ARHGAP26: variants seen among roughly 807,000 people sequenced by gnomAD.
The protein encoded by ARHGAP26 is rho GTPase-activating protein 26.
ARHGAP26 carries 38 observed loss-of-function variants against 104.8 expected under a neutral mutation model. The ratio of observed to expected loss-of-function variants is 0.36; its 90% CI spans 0.28 to 0.48. The LOEUF (loss-of-function observed/expected upper bound fraction) is 0.48, where lower values mean the gene tolerates loss of function less well. ARHGAP26 is among the 20% of genes least tolerant of loss of function. ARHGAP26 has a pLI of 0.99. For synonymous variants in ARHGAP26, 341 were observed against 340.0 expected (o/e 1.00, Z -0.03); for missense variants, 704 against 947.9 (o/e 0.74, Z 3.38).
At chr5:143,154,081 A>T (rs1487821835) in intron 20 of ARHGAP26, among the ~76,000 whole-genome samples, 1 of 151,950 alleles carries the variant, frequency 6.6e-6, no homozygotes, top group Admixed American at 6.6e-5. Flanking sequence ...GTCAACATTC[A>T]TTCCACAAAT....
At chr5:142,822,023 A>G (rs1384425915) in intron 1 of ARHGAP26, among the ~76,000 whole-genome samples, 1 of 152,096 alleles carries the variant, frequency 6.6e-6, no homozygotes, top group East Asian at 1.9e-4. Context: ...TGTTAAACAT[A>G]CTCCAATCCC....
At chr5:142,823,727 T>C (rs1361153935) in intron 1 of ARHGAP26, among the ~76,000 whole-genome samples, 3 of 152,252 alleles carry the variant, frequency 2.0e-5, no homozygotes, top group Non-Finnish European at 4.4e-5. Context: ...TACTGAAATA[T>C]GAATGTCACG....
rs548822497 is a variant in ARHGAP26, at chr5:143,020,765, A to G, written c.1144+6649A>G. Among the ~76,000 whole-genome samples, 5 of 151,248 alleles carry G rather than the reference A, an allele frequency of 3.3e-5. No individual in the cohort carries two copies. In the South Asian group the frequency reaches 8.3e-4, roughly 25 times the overall value. On this transcript the variant is annotated intron_variant, in intron 12 of 22. Transcript: ENST00000645722. ...GCCATTCTCCTGCCTCAGCCTCCCA[A>G]GTAGCTGGGACTACAGGCACCCGCC...
intron 12 of ARHGAP26, chr5:143,014,381 ATTATCT>A: frequency 1.9e-6 from 1 of 535,616 alleles, no homozygotes; most frequent in Non-Finnish European, 3.4e-6. Context: ...TCTCGTGTAC[ATTATCT>A]CCTTTAATCG....
intron 17 of ARHGAP26, among the ~76,000 whole-genome samples, chr5:143,101,193 T>C (rs544933718): frequency 4.6e-5 from 7 of 152,320 alleles, no homozygotes; most frequent in African/African-American, 1.7e-4. Context: ...ACCTCTCTCT[T>C]GGATCATTGC....
chr5:143,069,853 A>G (rs1461360510), intron 17 of ARHGAP26, among the ~76,000 whole-genome samples: 1 of 152,212 alleles, frequency 6.6e-6, no homozygotes, highest in African/African-American at 2.4e-5. Flanking sequence ...ATAAATACAA[A>G]ACAGCAAACA....
intron 1 of ARHGAP26, among the ~76,000 whole-genome samples, chr5:142,792,778 G>A (rs1420554822): frequency 6.6e-6 from 1 of 152,172 alleles, no homozygotes; most frequent in Non-Finnish European, 1.5e-5. Context: ...TGAAACGTAA[G>A]CTGGCCTGTG....
At chr5:143,125,652 T>C (rs1354078149) in intron 18 of ARHGAP26, among the ~76,000 whole-genome samples, 1 of 152,234 alleles carries the variant, frequency 6.6e-6, no homozygotes, top group Non-Finnish European at 1.5e-5. Context: ...TTTTTCTTTT[T>C]CCATGTTGGT....
chr5:143,004,193 ATAGGTAAATTTTCCTAAGT>A (rs1777616314), intron 11 of ARHGAP26, among the ~76,000 whole-genome samples: 1 of 152,134 alleles, frequency 6.6e-6, no homozygotes, highest in South Asian at 2.1e-4. Flanking sequence ...AGCTGTTGTT[ATAGGTAAATTTTCCTAAGT>A]TAGGTTTTCA....
chr5:142,935,002 C>T (rs898046598), intron 11 of ARHGAP26, among the ~76,000 whole-genome samples: 12 of 151,944 alleles, frequency 7.9e-5, no homozygotes, highest in African/African-American at 4.8e-5. Context: ...TTTATGGTGT[C>T]GATGGACATA....
chr5:142,946,300 G>A (rs527680439), intron 11 of ARHGAP26, among the ~76,000 whole-genome samples: 1 of 152,206 alleles, frequency 6.6e-6, no homozygotes, highest in African/African-American at 2.4e-5. Flanking sequence ...TTGGTTTAAA[G>A]ACATTTGAGG....
intron 20 of ARHGAP26, among the ~76,000 whole-genome samples, chr5:143,162,519 G>T (rs187776276): frequency 6.6e-6 from 1 of 152,160 alleles, no homozygotes; most frequent in Admixed American, 6.5e-5. Context: ...GTTAGTGATG[G>T]CCATGGCCAA....
chr5:142,851,707 C>G (rs1214139372), intron 1 of ARHGAP26, among the ~76,000 whole-genome samples: 1 of 152,206 alleles, frequency 6.6e-6, no homozygotes, highest in African/African-American at 2.4e-5. Context: ...TTACACTGGT[C>G]TCACCACCCC....
chr5:143,200,607 C>T (rs954687306), intron 20 of ARHGAP26, among the ~76,000 whole-genome samples: 7 of 151,102 alleles, frequency 4.6e-5, no homozygotes, highest in Non-Finnish European at 8.9e-5. Flanking sequence ...CAAAAAAAAG[C>T]GAGGAGAAAT....
In ARHGAP26 at chr5:143,181,273, G is replaced by A. The variant is rs1407179550; in HGVS notation, c.1989-25925G>A. Among the ~76,000 whole-genome samples, 3 of 152,272 alleles carry A rather than the reference G, an allele frequency of 2.0e-5. No homozygotes were observed. The East Asian group carries it at 5.8e-4, about 29-fold the overall frequency. On this transcript the variant is annotated intron_variant, in intron 20 of 22. Coordinates refer to ENST00000645722, the MANE Select transcript of ARHGAP26 (RefSeq NM_001135608.3). ...ATCCTTTTATTAACTGGGAGGCCTG[G>A]GTGACCTACTCTGGCTTGCCATTGC...
chr5:143,046,389 A>G lies in ARHGAP26; in HGVS notation c.1285+4499A>G, dbSNP rs149359747. 2.5e-3 allele frequency among the ~76,000 whole-genome samples: 383 copies of G among 152,292 alleles called. 7 individuals are homozygous for G. The East Asian group carries it at 0.042, about 17-fold the overall frequency. On this transcript the variant is annotated intron_variant, in intron 14 of 22. Transcript: ENST00000645722. Reference sequence around the variant, plus strand: ...TTTTTTTGTACTCTTAATACATTGGAGGACTTTGGGTTGGAAGAGGAATAT... The same window carrying G: ...TTTTTTTGTACTCTTAATACATTGGGGGACTTTGGGTTGGAAGAGGAATAT...
intron 20 of ARHGAP26, among the ~76,000 whole-genome samples, chr5:143,171,077 A>G (rs906524920): frequency 6.6e-6 from 1 of 152,226 alleles, no homozygotes; most frequent in Non-Finnish European, 1.5e-5. Flanking sequence ...AATAAAGGAC[A>G]GAGAATATAA....
intron 22 of ARHGAP26, among the ~76,000 whole-genome samples, chr5:143,221,604 G>GC (rs2151433521): frequency 6.6e-6 from 1 of 152,188 alleles, no homozygotes; most frequent in South Asian, 2.1e-4. Flanking sequence ...GCCTCGACCT[G>GC]CTGAGCCCAA....
chr5:143,177,337 G>A (rs928536733), intron 20 of ARHGAP26, among the ~76,000 whole-genome samples: 1 of 152,094 alleles, frequency 6.6e-6, no homozygotes, highest in African/African-American at 2.4e-5. Context: ...AGCTTCTCAG[G>A]CTGCATCACG....
Sources: allele counts gnomAD v4.1 joint callset (sites outside exome capture counted in the v4.1 genomes callset), GRCh38; gene constraint gnomAD v4.1.1; transcripts MANE v1.5; gene names NCBI Gene and HGNC (gene_info 2026-07-23, HGNC 2026-07-21).